The following GRID1 variants were observed in gnomAD, a reference collection of about 807,000 sequenced individuals.
The protein encoded by GRID1 is glutamate ionotropic receptor delta type subunit 1.
Under a neutral mutation model 98.0 loss-of-function variants are expected in GRID1, and 28 were observed. That is an observed-to-expected ratio of 0.29 (90% CI 0.21 to 0.39). GRID1 has a LOEUF of 0.39. GRID1 is among the 10% of genes least tolerant of loss of function. The pLI, the probability that GRID1 is intolerant of heterozygous loss-of-function variation, is 1.00. For synonymous variants in GRID1, 553 were observed against 538.5 expected, an observed-to-expected ratio of 1.03 and a Z score of -0.37; for missense variants, 1,111 against 1,340.5, an observed-to-expected ratio of 0.83 and a Z score of 2.67.
chr10:85,787,607 G>A (rs1387905993), intron 8 of GRID1, among the ~76,000 whole-genome samples: 6 of 152,186 alleles, frequency 3.9e-5, no homozygotes, highest in African/African-American at 1.4e-4. Context: ...CCTTCCAAGA[G>A]CCTGCCCAGC....
intron 5 of GRID1, among the ~76,000 whole-genome samples, chr10:85,914,619 G>A (rs1363701603): frequency 6.6e-6 from 1 of 152,158 alleles, no homozygotes. Flanking sequence ...TGAATTCATG[G>A]AGGAAAATCT....
At chr10:86,207,009 C>T (rs1006292319) in intron 2 of GRID1, among the ~76,000 whole-genome samples, 4 of 152,230 alleles carry the variant, frequency 2.6e-5, no homozygotes, top group Non-Finnish European at 4.4e-5. Flanking sequence ...CTGTTTCCCA[C>T]CTAGGACTAT....
At position 86,206,361 on chromosome 10, in the gene GRID1, C is replaced by T. The variant is rs1554861348; in HGVS notation, c.520+3G>A. On this transcript the variant is annotated splice_donor_region_variant and intron_variant, in intron 3 of 15. Coordinates refer to ENST00000327946, the MANE Select transcript of GRID1 (RefSeq NM_017551.3). This position sits in a 1 kb window ranked among gnomAD's most constrained non-coding sequence, Gnocchi z 4.1. ...GCCCCAGCTCGCCTGCCGGACAACT[C>T]ACCATACTCGCTGTCGTAGAACATG... The T allele has an allele frequency of 6.3e-6, 10 of 1,589,656 alleles. No homozygotes were observed. The highest frequency in any genetic ancestry group is 7.7e-6 in the Non-Finnish European group (9 of 1,164,144).
chr10:85,744,388 A>ATG, intron 8 of GRID1, among the ~76,000 whole-genome samples: 1 of 151,826 alleles, frequency 6.6e-6, no homozygotes, highest in African/African-American at 2.4e-5. Flanking sequence ...TTAAAATGGA[A>ATG]CAGAACAGAG....
intron 8 of GRID1, among the ~76,000 whole-genome samples, chr10:85,759,367 T>A (rs1167503984): frequency 6.6e-6 from 1 of 152,178 alleles, no homozygotes; most frequent in African/African-American, 2.4e-5. Context: ...TCTGGTCAGG[T>A]GCTGAATGCA....
At chr10:86,157,722 T>A (rs1232454883) in intron 3 of GRID1, among the ~76,000 whole-genome samples, 2 of 151,890 alleles carry the variant, frequency 1.3e-5, no homozygotes, top group Non-Finnish European at 2.9e-5. Context: ...GTCCAGGGAG[T>A]GACAGTGAGG....
chr10:85,879,793 G>A (rs1158287966), intron 5 of GRID1, among the ~76,000 whole-genome samples: 1 of 152,106 alleles, frequency 6.6e-6, no homozygotes, highest in African/African-American at 2.4e-5. Flanking sequence ...GAAGGAAATA[G>A]AGACACAAAA....
chr10:85,614,263 G>A (rs1842764795), intron 14 of GRID1, among the ~76,000 whole-genome samples: 1 of 152,214 alleles, frequency 6.6e-6, no homozygotes, highest in Non-Finnish European at 1.5e-5. Flanking sequence ...TCAAAGTAGA[G>A]GTTCCAGGAA....
intron 2 of GRID1, among the ~76,000 whole-genome samples, chr10:86,231,672 G>C (rs1846455358): frequency 6.6e-6 from 1 of 152,190 alleles, no homozygotes; most frequent in Non-Finnish European, 1.5e-5. Context: ...TGTCTCCAAA[G>C]GGTATTTGCT....
intron 15 of GRID1, among the ~76,000 whole-genome samples, chr10:85,607,952 G>A (rs1018674514): frequency 1.3e-5 from 2 of 151,752 alleles, no homozygotes; most frequent in African/African-American, 2.4e-5. Context: ...TGAGTAGCTC[G>A]GACTACAGTC....
In GRID1 at chr10:85,689,772, A is replaced by G. The variant is rs1412570717; in HGVS notation, c.1997+33231T>C. On this transcript the variant is annotated intron_variant, in intron 12 of 15. Coordinates refer to ENST00000327946, the MANE Select transcript of GRID1 (RefSeq NM_017551.3). ...GAAGGACACATTCAAAGGAAGAAAAATAACTCAGGTCATTTCTCTCTTGTG... is the reference window on the plus strand; with the variant it reads ...GAAGGACACATTCAAAGGAAGAAAAGTAACTCAGGTCATTTCTCTCTTGTG... 1.2e-4 allele frequency among the ~76,000 whole-genome samples: 19 copies of G among 152,210 alleles called. 1 individual carries two copies. The highest frequency in any genetic ancestry group is 1.2e-3 in the Admixed American group (19 of 15,280).
intron 2 of GRID1, among the ~76,000 whole-genome samples, chr10:86,256,598 GTC>G (rs145161561): frequency 5.3e-5 from 8 of 150,802 alleles, no homozygotes; most frequent in African/African-American, 1.2e-4. Flanking sequence ...ATCTCTCTTT[GTC>G]TCTCTCTCTC....
intron 8 of GRID1, among the ~76,000 whole-genome samples, chr10:85,840,200 C>T (rs1167066581): frequency 6.6e-6 from 1 of 152,160 alleles, no homozygotes; most frequent in Non-Finnish European, 1.5e-5. Flanking sequence ...ACTATTCCTA[C>T]TGAAACTGTT....
intron 2 of GRID1, among the ~76,000 whole-genome samples, chr10:86,292,282 G>A (rs1342128043): frequency 6.6e-6 from 1 of 152,254 alleles, no homozygotes; most frequent in Non-Finnish European, 1.5e-5. Flanking sequence ...CCTCAGAGCT[G>A]CAGGAAGCTC....
intron 8 of GRID1, among the ~76,000 whole-genome samples, chr10:85,800,939 T>C (rs1466125738): frequency 6.6e-6 from 1 of 151,784 alleles, no homozygotes; most frequent in Non-Finnish European, 1.5e-5. Context: ...TTCGTTAAAA[T>C]AGAAAGACTC....
chr10:85,984,237 T>C (rs1171079430), intron 4 of GRID1, among the ~76,000 whole-genome samples: 3 of 152,026 alleles, frequency 2.0e-5, no homozygotes, highest in African/African-American at 7.3e-5. Flanking sequence ...GAGCCCCCAA[T>C]CTGGGGGCCT....
At chr10:86,364,190 T>A in intron 1 of GRID1, 94 bp from the exon 2 acceptor site, 1 of 1,040,808 alleles carries the variant, frequency 9.6e-7, no homozygotes, top group South Asian at 1.5e-5. Flanking sequence ...GACCGATGAT[T>A]GCCGGGTGGT....
chr10:85,757,457 C>T (rs1257056095), intron 8 of GRID1, among the ~76,000 whole-genome samples: 1 of 152,218 alleles, frequency 6.6e-6, no homozygotes, highest in East Asian at 1.9e-4. Flanking sequence ...CACAAGAAAA[C>T]AGACATAATG....
intron 5 of GRID1, among the ~76,000 whole-genome samples, chr10:85,879,668 A>G (rs1479716453): frequency 2.6e-5 from 4 of 152,194 alleles, no homozygotes; most frequent in African/African-American, 9.7e-5. Flanking sequence ...AAGAGAAAGC[A>G]GGAAAGATCC....
Sources: gnomAD v4.1 joint callset for allele counts (sites outside exome capture counted in the v4.1 genomes callset) on GRCh38, gnomAD v4.1.1 for gene constraint, Gnocchi (gnomAD v3.1) non-coding constraint, MANE v1.5 for transcripts, NCBI Gene and HGNC (gene_info 2026-07-23, HGNC 2026-07-21) for gene names.